TMEM207: variants seen among roughly 807,000 people sequenced by gnomAD.
TMEM207 encodes the protein transmembrane protein 207.
Under a neutral mutation model 17.4 loss-of-function variants are expected in TMEM207, and 15 were observed. The observed-to-expected ratio is 0.86, with a 90% CI of 0.58 to 1.33. The LOEUF is 1.33. Among genes scored for constraint, TMEM207 ranks in the 40% most tolerant of loss-of-function variants. The pLI, the probability that TMEM207 is intolerant of heterozygous loss-of-function variation, is 0.00. For missense variants in TMEM207, 205 were observed against 173.8 expected (o/e 1.18, Z -1.01); for synonymous variants, 70 against 65.6 (o/e 1.07, Z -0.33).
intron 3 of TMEM207, among the ~76,000 whole-genome samples, chr3:190,441,011 T>G (rs576320072): frequency 5.3e-5 from 8 of 151,932 alleles, no homozygotes; most frequent in East Asian, 1.9e-4. Flanking sequence ...GGAGCTTGCA[T>G]TGAGCCGAGA....
chr3:190,447,767 G>C (rs1266860506), intron 2 of TMEM207, 23 bp downstream of exon 2: 1 of 1,606,590 alleles, frequency 6.2e-7, no homozygotes, highest in South Asian at 1.1e-5. Context: ...ATAAAAACAT[G>C]GAGTTTTTCG....
At chr3:190,430,109 A>G (rs112070325) in intron 4 of TMEM207, among the ~76,000 whole-genome samples, 1 of 152,214 alleles carries the variant, frequency 6.6e-6, no homozygotes, top group African/African-American at 2.4e-5. Context: ...AAATTAAAAT[A>G]TCACTTTCTA....
Position 190,436,808 on chromosome 3 carries a change from G to A in TMEM207, c.304+3436C>T, listed in dbSNP as rs560984105. Among the ~76,000 whole-genome samples the A allele has an allele frequency of 9.3e-4, 141 of 152,284 alleles. 1 individual carries two copies. Among genetic ancestry groups the A allele is most frequent in the African/African-American group, 3.2e-3 (135 of 41,540 alleles). On this transcript the variant is annotated intron_variant, in intron 4 of 4. Coordinates refer to ENST00000354905, the MANE Select transcript of TMEM207 (RefSeq NM_207316.3). Reference sequence around the variant, plus strand: ...AGGTAAGAAGTCACTAGAGATGGGAGATCACCACTTCCTAAATTACTCTTT... The same window carrying A: ...AGGTAAGAAGTCACTAGAGATGGGAAATCACCACTTCCTAAATTACTCTTT...
At chr3:190,449,607 A>C (rs1474289062) in intron 1 of TMEM207, 128 bp downstream of exon 1, 2 of 805,710 alleles carry the variant, frequency 2.5e-6, no homozygotes, top group Non-Finnish European at 4.0e-6. Flanking sequence ...GATGCTAGTA[A>C]AGCTTGAAGG....
rs1719628862 is a variant in TMEM207 at position 190,428,948 on chromosome 3, G to A, written c.*647C>T. The A allele has an allele frequency of 6.6e-6, 1 of 152,174 alleles. No homozygotes were observed. The highest frequency in any genetic ancestry group is 2.1e-4 in the South Asian group (1 of 4,824). The allele number at this position is 152,174 out of a possible 1,614,324, so 9.4% of individuals were successfully genotyped here. A position where few individuals can be genotyped will look rare whatever the true frequency, so the allele number is the denominator to read the frequency against. ...AGGGGAACTTTTCTTTTCTCCCCGT[G>A]TTGGCATTATATGTGCTCTATATCT... On this transcript the variant is annotated 3_prime_UTR_variant, in exon 5 of 5. Coordinates refer to ENST00000354905, the MANE Select transcript of TMEM207 (RefSeq NM_207316.3).
At chr3:190,441,398 C>A (rs1426897916) in intron 3 of TMEM207, 40 bp downstream of exon 3, 1 of 1,504,212 alleles carries the variant, frequency 6.6e-7, no homozygotes, top group Non-Finnish European at 9.2e-7. Context: ...ACTGTATATA[C>A]CACCAACTGT....
intron 2 of TMEM207, among the ~76,000 whole-genome samples, chr3:190,443,781 A>C (rs970394652): frequency 6.6e-6 from 1 of 152,190 alleles, no homozygotes. Context: ...AGTATAGGAA[A>C]GGTTATATTT....
At chr3:190,432,451 G>T (rs1236928248) in intron 4 of TMEM207, among the ~76,000 whole-genome samples, 1 of 152,152 alleles carries the variant, frequency 6.6e-6, no homozygotes, top group Non-Finnish European at 1.5e-5. Flanking sequence ...TGAGATTAAG[G>T]ATGTCAAGTG....
chr3:190,430,912 T>A (rs1416832665), intron 4 of TMEM207, among the ~76,000 whole-genome samples: 1 of 152,124 alleles, frequency 6.6e-6, no homozygotes. Context: ...GCCACAATGA[T>A]CAAAAGAATT....
At chr3:190,443,950 T>C (rs1719990968) in intron 2 of TMEM207, among the ~76,000 whole-genome samples, 1 of 152,218 alleles carries the variant, frequency 6.6e-6, no homozygotes, top group South Asian at 2.1e-4. Context: ...ATTTCTGTCC[T>C]TATCAGAACG....
At chr3:190,448,446 C>G (rs541049375) in intron 1 of TMEM207, among the ~76,000 whole-genome samples, 6 of 152,202 alleles carry the variant, frequency 3.9e-5, no homozygotes, top group African/African-American at 1.4e-4. Flanking sequence ...TATAAGCATT[C>G]TAAAATAATG....
At chr3:190,439,760 C>T (rs1719888446) in intron 4 of TMEM207, among the ~76,000 whole-genome samples, 1 of 152,120 alleles carries the variant, frequency 6.6e-6, no homozygotes, top group South Asian at 2.1e-4. Flanking sequence ...TTGACATTCC[C>T]CTGACTATTC....
chr3:190,445,467 G>T (rs886868319), intron 2 of TMEM207, among the ~76,000 whole-genome samples: 1 of 152,196 alleles, frequency 6.6e-6, no homozygotes, highest in Non-Finnish European at 1.5e-5. Flanking sequence ...AATTGGATTG[G>T]ATCAGAAAAA....
chr3:190,449,269 G>A (rs9838201), intron 1 of TMEM207, among the ~76,000 whole-genome samples: 28,320 of 152,064 alleles, frequency 0.19, 3,018 homozygotes, highest in Middle Eastern at 0.31. Flanking sequence ...AGAGATGCAC[G>A]TGTTAGTCAG....
chr3:190,444,659 T>C (rs945477808), intron 2 of TMEM207, among the ~76,000 whole-genome samples: 3 of 152,120 alleles, frequency 2.0e-5, no homozygotes, highest in Non-Finnish European at 4.4e-5. Flanking sequence ...GCTAGCATAA[T>C]GAGAGAGAAT....
At chr3:190,433,922 G>A (rs1348285527) in intron 4 of TMEM207, among the ~76,000 whole-genome samples, 1 of 151,956 alleles carries the variant, frequency 6.6e-6, no homozygotes. Context: ...AACACCACCC[G>A]CCTCCCACTC....
intron 4 of TMEM207, among the ~76,000 whole-genome samples, chr3:190,434,494 C>T (rs1009217991): frequency 4.6e-5 from 7 of 152,148 alleles, no homozygotes; most frequent in Non-Finnish European, 7.3e-5. Context: ...TGAGGCTTCC[C>T]CAGCCACATG....
chr3:190,440,012 C>T (rs1259786416), intron 4 of TMEM207, among the ~76,000 whole-genome samples: 1 of 152,190 alleles, frequency 6.6e-6, no homozygotes, highest in Non-Finnish European at 1.5e-5. Flanking sequence ...TATTTAGTTG[C>T]TTTCCTTATA....
chr3:190,448,955 C>T (rs1052084768), intron 1 of TMEM207, among the ~76,000 whole-genome samples: 1 of 152,072 alleles, frequency 6.6e-6, no homozygotes, highest in South Asian at 2.1e-4. Context: ...GATTTGCATA[C>T]TAAGTGAAAG....
Sources: gnomAD v4.1 joint callset for allele counts (sites outside exome capture counted in the v4.1 genomes callset) on GRCh38, gnomAD v4.1.1 for gene constraint, MANE v1.5 for transcripts, NCBI Gene and HGNC (gene_info 2026-07-23, HGNC 2026-07-21) for gene names.